AGL: variants seen among roughly 807,000 people sequenced by gnomAD.
AGL encodes amylo-alpha-1,6-glucosidase and 4-alpha-glucanotransferase, also known as glycogen debranching enzyme.
In AGL, 128 loss-of-function variants were observed where a neutral mutation model predicts 199.3. That is an observed-to-expected ratio of 0.64 (90% CI 0.56 to 0.74). The LOEUF (loss-of-function observed/expected upper bound fraction) is 0.74. Among genes scored for constraint, AGL ranks in the 30% least tolerant of loss-of-function variants. The probability of loss-of-function intolerance (pLI) is 0.00; values close to 1 mark genes in which losing one functional copy is unlikely to be tolerated. For synonymous variants in AGL, 584 were observed against 594.7 expected, an observed-to-expected ratio of 0.98 and a Z score of 0.26; for missense variants, 1,809 against 1,820.8, an observed-to-expected ratio of 0.99 and a Z score of 0.12.
chr1:99,866,568 G>C (rs1421993018), intron 5 of AGL, among the ~76,000 whole-genome samples: 1 of 152,144 alleles, frequency 6.6e-6, no homozygotes, highest in Non-Finnish European at 1.5e-5. Context: ...CCTTAAAGGA[G>C]ACCTGCAGCG....
At chr1:99,910,001 A>T (rs1654620044) in intron 27 of AGL, among the ~76,000 whole-genome samples, 1 of 152,206 alleles carries the variant, frequency 6.6e-6, no homozygotes, top group African/African-American at 2.4e-5. Flanking sequence ...ATATACCAGT[A>T]TTATCTATGA....
chr1:99,857,061 G>GGGGCGGCTGGCCGGA (rs1557742409), intron 2 of AGL, among the ~76,000 whole-genome samples: 20 of 148,482 alleles, frequency 1.3e-4, no homozygotes, highest in African/African-American at 4.9e-4. Context: ...GGCTGGCCGG[G>GGGGCGGCTGGCCGGA]CAGGGGGCTG....
Position 99,881,571 on chromosome 1 carries a change from G to A in AGL, c.2188G>A (p.Val730Met). ...TGTGGATCAAGTTGATGAAGACATA[G>A]TGGCAGTAACAAGACACTCACCTAG... ...VYVDQVDEDI[V>M]AVTRHSPSIH... Residue 730 changes from valine to methionine, a missense_variant, in exon 17 of 34, where the codon GTG becomes ATG. By Grantham distance (21) the Val-to-Met change is conservative. Coordinates refer to ENST00000361915, the MANE Select transcript of AGL (RefSeq NM_000642.3). 1 of 1,613,950 alleles carries A rather than the reference G, an allele frequency of 6.2e-7. No individual in the cohort carries two copies. The highest frequency in any genetic ancestry group is 8.5e-7 in the Non-Finnish European group (1 of 1,179,928).
intron 10 of AGL, 61 bp downstream of exon 10, chr1:99,875,516 T>C (rs1651449808): frequency 1.4e-6 from 2 of 1,387,442 alleles, no homozygotes; most frequent in African/African-American, 2.8e-5. Flanking sequence ...TATTTAACTT[T>C]TGAAATTAAC....
chr1:99,881,193 G>C lies in AGL; in HGVS notation c.2001+16G>C. 1 of 1,612,946 alleles carries C rather than the reference G, an allele frequency of 6.2e-7. No individual in the cohort carries two copies. Among genetic ancestry groups the C allele is most frequent in the Non-Finnish European group, 8.5e-7 (1 of 1,179,100 alleles). On this transcript the variant is annotated intron_variant, in intron 15 of 33. Coordinates refer to ENST00000361915, the MANE Select transcript of AGL (RefSeq NM_000642.3). ...GCCTCATCAGGTTTGTTTATATGTTGTTTCTTAAAACCTACATGGCCAACA... is the reference window on the plus strand; with the variant it reads ...GCCTCATCAGGTTTGTTTATATGTTCTTTCTTAAAACCTACATGGCCAACA...
chr1:99,881,995 TG>T (rs561222056), intron 17 of AGL, among the ~76,000 whole-genome samples: 7 of 151,924 alleles, frequency 4.6e-5, no homozygotes, highest in South Asian at 4.2e-4. Context: ...AAAAATTAGA[TG>T]GGCATGGTGG....
rs375485555 is a variant in AGL at position 99,875,349 on chromosome 1, G to A, written c.1186-9G>A. ...TGGTGATGATCTAACACAATTTAAT[G>A]TTTTTCAGGCAGTTAATTGCCTTTT... On this transcript the variant is annotated splice_polypyrimidine_tract_variant and intron_variant, in intron 9 of 33. Coordinates refer to ENST00000361915, the MANE Select transcript of AGL (RefSeq NM_000642.3). 9.5e-5 allele frequency: 153 copies of A among 1,613,864 alleles called. No homozygotes were observed. The highest frequency in any genetic ancestry group is 1.3e-4 in the Non-Finnish European group (149 of 1,179,932).
chr1:99,871,792 G>A (rs767094998), intron 7 of AGL, among the ~76,000 whole-genome samples: 2 of 151,960 alleles, frequency 1.3e-5, no homozygotes, highest in Non-Finnish European at 2.9e-5. Flanking sequence ...TTATTTACAT[G>A]AAATAATATG....
Position 99,861,653 on chromosome 1 carries a change from A to T in AGL, c.233A>T (p.Asp78Val), listed in dbSNP as rs778334097. The change falls in exon 3 of 34, where the codon GAT (aspartate) becomes GTT (valine). Residue 78 changes from aspartate to valine, a missense_variant. Transcript: ENST00000361915. ...ENPTEREDDS[D>V]KYCKLNLQQS... ...CCAACAGAAAGAGAAGATGATTCTG[A>T]TAAATACTGTAAACTTAATCTGCAA... is the stretch of plus-strand genomic sequence containing the variant. The T allele has an allele frequency of 6.2e-7, 1 of 1,613,542 alleles. No homozygotes were observed. The highest frequency in any genetic ancestry group is 8.5e-7 in the Non-Finnish European group (1 of 1,179,524).
At chr1:99,887,290 C>T (rs1443193585) in intron 20 of AGL, among the ~76,000 whole-genome samples, 1 of 152,168 alleles carries the variant, frequency 6.6e-6, no homozygotes, top group Non-Finnish European at 1.5e-5. Flanking sequence ...GTCAGTTATA[C>T]AGTCTTACTG....
intron 24 of AGL, among the ~76,000 whole-genome samples, chr1:99,896,011 C>G (rs1313635749): frequency 6.6e-6 from 1 of 152,162 alleles, no homozygotes; most frequent in Non-Finnish European, 1.5e-5. Flanking sequence ...ATTCACACCT[C>G]AATTTAGATA....
chr1:99,854,838 G>A (rs1649284233), intron 2 of AGL, among the ~76,000 whole-genome samples: 1 of 151,812 alleles, frequency 6.6e-6, no homozygotes, highest in Admixed American at 6.6e-5. Flanking sequence ...TTGGAGACAA[G>A]AAGCATTGAG....
At position 99,900,692 on chromosome 1, in the gene AGL, T is replaced by G. The variant is rs568139822; in HGVS notation, c.3419T>G (p.Leu1140Arg). ...AGGCATGGTCTCATTCCTAATCTACTGGGTGAAGGAATTTATGCCAGATAC... is the reference window on the plus strand; with the variant it reads ...AGGCATGGTCTCATTCCTAATCTACGGGGTGAAGGAATTTATGCCAGATAC... ...TLRHGLIPNL[L>R]GEGIYARYNC... is the part of the protein sequence containing the mutation. The change falls in exon 26 of 34, where the codon CTG becomes CGG. Residue 1140 changes from leucine (L) to arginine (R), a missense_variant. Physicochemically the swap from Leu to Arg is moderately radical, Grantham distance 102. Coordinates refer to ENST00000361915, the MANE Select transcript of AGL (RefSeq NM_000642.3). 8.1e-6 allele frequency: 13 copies of G among 1,614,130 alleles called. No homozygotes were observed. In the African/African-American group the frequency reaches 1.6e-4, roughly 20 times the overall value.
At position 99,922,200 on chromosome 1, in the gene AGL, A is replaced by AT. The variant is rs1024124642; in HGVS notation, c.*555dup. The stretch of plus-strand genomic sequence containing the variant: ...GCACAGATGTTCAAACTATGCTTTC[A>AT]TTTTTTCACTGATATATTAATTTTT... On this transcript the variant is annotated 3_prime_UTR_variant, in exon 34 of 34. Coordinates refer to ENST00000361915, the MANE Select transcript of AGL (RefSeq NM_000642.3). 6.6e-6 allele frequency: 1 copy of AT among 151,848 alleles called. No homozygotes were observed. Among genetic ancestry groups the AT allele is most frequent in the Non-Finnish European group, 1.5e-5 (1 of 67,852 alleles). The allele number at this position is 151,848 out of a possible 1,614,324, so 9.4% of individuals were successfully genotyped here.
intron 33 of AGL, among the ~76,000 whole-genome samples, chr1:99,918,997 T>C (rs1003687686): frequency 6.6e-6 from 1 of 152,152 alleles, no homozygotes; most frequent in Non-Finnish European, 1.5e-5. Context: ...GGTAGTTTCC[T>C]CTTGTGAATT....
chr1:99,872,283 C>A (rs546060490), intron 7 of AGL, among the ~76,000 whole-genome samples: 2 of 152,260 alleles, frequency 1.3e-5, no homozygotes, highest in Non-Finnish European at 2.9e-5. Flanking sequence ...GGATAAACTT[C>A]CAGTCTCATA....
Position 99,884,676 on chromosome 1 carries a change from A to G in AGL, c.2654A>G (p.Asp885Gly), listed in dbSNP as rs867149434. The change falls in exon 20 of 34, where the codon GAT (aspartate) becomes GGT (glycine). Residue 885 changes from aspartate (D) to glycine (G), a missense_variant. Transcript: ENST00000361915. Reference protein sequence around the residue: ...KSGSLAVDNADPILKIPFASL... With the variant: ...KSGSLAVDNAGPILKIPFASL... ...GGCAGCCTAGCTGTTGACAATGCAG[A>G]TCCTATATTAAAAATTCCTTTTGCT... 19 of 1,613,864 alleles carry G rather than the reference A, an allele frequency of 1.2e-5. No individual in the cohort carries two copies. The highest frequency in any genetic ancestry group is 1.5e-5 in the Non-Finnish European group (18 of 1,179,944).
chr1:99,906,225 A>G (rs1042292361), intron 27 of AGL, among the ~76,000 whole-genome samples: 1 of 152,162 alleles, frequency 6.6e-6, no homozygotes, highest in South Asian at 2.1e-4. Flanking sequence ...AAGCGGAATC[A>G]TACAGTCTTT....
Position 99,874,755 on chromosome 1 carries a change from C to T in AGL, c.1027C>T (p.Arg343Trp), listed in dbSNP as rs1131691438. 1.9e-6 allele frequency: 3 copies of T among 1,603,438 alleles called. No homozygotes were observed. The highest frequency in any genetic ancestry group is 1.7e-5 in the Admixed American group (1 of 59,426). Reference protein sequence around the residue: ...LTIIQDPEYRRFGCTVDMNIA... With the variant: ...LTIIQDPEYRWFGCTVDMNIA... ...GATTATTCAAGATCCTGAATACAGA[C>T]GGTTTGGCTGTACTGTAGATATGAA... Residue 343 changes from arginine (R) to tryptophan (W), a missense_variant, in exon 8 of 34, where the codon CGG becomes TGG. Arg to Trp is a moderately radical substitution (Grantham distance 101). Coordinates refer to ENST00000361915, the MANE Select transcript of AGL (RefSeq NM_000642.3).
Sources: allele counts gnomAD v4.1 joint callset (sites outside exome capture counted in the v4.1 genomes callset), GRCh38; gene constraint gnomAD v4.1.1; transcripts MANE v1.5; gene names NCBI Gene and HGNC (gene_info 2026-07-23, HGNC 2026-07-21).